Variants in IPO4 observed in about 807,000 individuals in gnomAD.
IPO4 encodes importin-4.
In IPO4, 91 loss-of-function variants were observed where a neutral mutation model predicts 133.5. The observed-to-expected ratio is 0.68, with a 90% confidence interval of 0.58 to 0.81. IPO4 has a LOEUF of 0.81. IPO4 is among the 30% of genes least tolerant of loss of function. The probability of loss-of-function intolerance (pLI) is 0.00; values close to 1 mark genes in which losing one functional copy is unlikely to be tolerated. For missense variants in IPO4, 1,279 were observed against 1,386.2 expected, an observed-to-expected ratio of 0.92 and a Z score of 1.23; for synonymous variants, 607 against 581.6, an observed-to-expected ratio of 1.04 and a Z score of -0.63.
At chr14:24,180,604 C>T (rs763556257) in intron 29 of IPO4, 32 bp from the exon 30 acceptor site, 4 of 1,611,712 alleles carry the variant, frequency 2.5e-6, no homozygotes, top group Non-Finnish European at 3.4e-6. Flanking sequence ...AAGGTCGGGG[C>T]TCCTAAAGCC....
chr14:24,182,552 C>T, intron 24 of IPO4, 149 bp from the exon 25 acceptor site: 9 of 1,160,368 alleles, frequency 7.8e-6, no homozygotes, highest in Non-Finnish European at 9.8e-6. Flanking sequence ...TTCCATGACC[C>T]AGCTTCTTCC....
chr14:24,181,189 G>A (rs1282699665), intron 28 of IPO4, among the ~76,000 whole-genome samples: 1 of 152,170 alleles, frequency 6.6e-6, no homozygotes, highest in Non-Finnish European at 1.5e-5. Flanking sequence ...GCTCCACAGA[G>A]CACAGTTTGA....
In IPO4 at chr14:24,185,511, A is replaced by G. The variant is rs2138815884; in HGVS notation, c.1226T>C (p.Val409Ala). 6.2e-7 allele frequency: 1 copy of G among 1,614,198 alleles called. No homozygotes were observed. Among genetic ancestry groups the G allele is most frequent in the Non-Finnish European group, 8.5e-7 (1 of 1,180,036 alleles). Residue 409 changes from valine (V) to alanine (A), a missense_variant, in exon 13 of 30, where the codon GTT (valine) becomes GCT (alanine). By Grantham distance (64) the Val-to-Ala change is moderately conservative. Coordinates refer to ENST00000354464, the MANE Select transcript of IPO4 (RefSeq NM_024658.4). ...VCKGLEDPSQ[V>A]VRNAALFALG... Reference sequence around the variant, plus strand: ...GGCAAACAGCGCAGCATTGCGTACAACTTGCGAGGGGTCCTCCAGGCCCTT... The same window carrying G: ...GGCAAACAGCGCAGCATTGCGTACAGCTTGCGAGGGGTCCTCCAGGCCCTT...
chr14:24,180,422 G>C lies in IPO4; in HGVS notation c.*20C>G. The C allele has an allele frequency of 1.2e-6, 2 of 1,600,060 alleles. No individual in the cohort carries two copies. The highest frequency in any genetic ancestry group is 2.7e-5 in the African/African-American group (2 of 74,798). ...GCCTGGGCAGGCTCTATTCTCTCTG[G>C]ACTGGCTGCAGCCTGCAGTCTAGGA... On this transcript the variant is annotated 3_prime_UTR_variant, in exon 30 of 30. Transcript: ENST00000354464.
intron 1 of IPO4, 25 bp from the exon 2 acceptor site, chr14:24,188,663 T>G (rs1375492906): frequency 1.9e-6 from 3 of 1,603,966 alleles, no homozygotes; most frequent in South Asian, 2.2e-5. Context: ...GGGGTGAGAG[T>G]TGGGCCTTTC....
intron 6 of IPO4, 99 bp from the exon 7 acceptor site, chr14:24,187,249 T>A: frequency 1.3e-6 from 2 of 1,489,268 alleles, no homozygotes. Context: ...AGCCCAGGCA[T>A]AACAGCCAGG....
intron 12 of IPO4, 81 bp from the exon 13 acceptor site, chr14:24,185,648 T>C: frequency 6.7e-6 from 9 of 1,344,578 alleles, no homozygotes; most frequent in South Asian, 1.2e-5. Context: ...TCATTTTCCC[T>C]GGAAAAACCA....
chr14:24,180,605 TC>T (rs1322216807), intron 29 of IPO4, 33 bp from the exon 30 acceptor site: 11 of 1,611,592 alleles, frequency 6.8e-6, no homozygotes, highest in African/African-American at 1.3e-5. Flanking sequence ...AGGTCGGGGC[TC>T]CTAAAGCCTC....
At chr14:24,187,290 G>A (rs1173456619) in intron 6 of IPO4, 110 bp downstream of exon 6, 2 of 1,478,086 alleles carry the variant, frequency 1.4e-6, no homozygotes, top group East Asian at 4.6e-5. Context: ...TCAATTGTCA[G>A]GAAGGGCCAC....
rs979331236 is a variant in IPO4 at position 24,185,451 on chromosome 14, T to G, written c.1278+8A>C. 3.1e-6 allele frequency: 5 copies of G among 1,613,550 alleles called. No individual in the cohort carries two copies. The African/African-American group carries it at 5.3e-5, about 17-fold the overall frequency. On this transcript the variant is annotated splice_region_variant and intron_variant, in intron 13 of 29. Transcript: ENST00000354464. ...CAAGTGGTGGCTCCCACATTCAGCC[T>G]GGTTCACCTGTAGGTTTTCTGAGAA...
Position 24,180,556 on chromosome 14 carries a change from C to A in IPO4, c.3132G>T (p.Leu1044=). The change falls in exon 30 of 30, where the codon CTG becomes CTT. Residue 1044 remains leucine, a synonymous_variant. Transcript: ENST00000354464. ...NKIPPDTKAA[L]LLLLTFLAKQ... ...TGGCCAGGAACGTCAGGAGCAGCAA[C>A]AGTGCGGCCTTGGTGTCTGGGTGGA... 1 of 1,614,146 alleles carries A rather than the reference C, an allele frequency of 6.2e-7. No individual in the cohort carries two copies. Among genetic ancestry groups the A allele is most frequent in the Non-Finnish European group, 8.5e-7 (1 of 1,179,980 alleles).
chr14:24,181,158 G>C (rs1349882421), intron 28 of IPO4, among the ~76,000 whole-genome samples: 1 of 152,178 alleles, frequency 6.6e-6, no homozygotes, highest in African/African-American at 2.4e-5. Flanking sequence ...TGTATGGTGT[G>C]GTGGCCCAGA....
At position 24,183,353 on chromosome 14, in the gene IPO4, G is replaced by A. The variant is rs1360458667; in HGVS notation, c.2124C>T (p.Cys708=). 1.9e-6 allele frequency: 3 copies of A among 1,608,296 alleles called. No individual in the cohort carries two copies. The highest frequency in any genetic ancestry group is 3.4e-5 in the Admixed American group (2 of 59,084). ...VFEEVFKLLE[C]PHLNVRKAAH... Reference sequence around the variant, plus strand: ...CTGCCTTCCGCACATTCAGGTGAGGGCACTGCAGGATGAGGAGGGGCGGGA... The same window carrying A: ...CTGCCTTCCGCACATTCAGGTGAGGACACTGCAGGATGAGGAGGGGCGGGA... Residue 708 remains cysteine (C), a splice_region_variant and synonymous_variant, in exon 22 of 30, where the codon TGC becomes TGT. Transcript: ENST00000354464.
intron 16 of IPO4, 87 bp downstream of exon 16, chr14:24,184,563 T>C: frequency 7.1e-7 from 1 of 1,410,628 alleles, no homozygotes; most frequent in Non-Finnish European, 9.6e-7. Flanking sequence ...AAGACATCCG[T>C]GCTCCTGTGG....
At chr14:24,184,165 A>G in intron 17 of IPO4, 56 bp from the exon 18 acceptor site, 2 of 1,583,514 alleles carry the variant, frequency 1.3e-6, no homozygotes, top group Non-Finnish European at 8.6e-7. Context: ...ACCAGGCAGG[A>G]TGGGGGAGCC....
chr14:24,186,823 G>A (rs780305120), intron 8 of IPO4, 32 bp from the exon 9 acceptor site: 10 of 1,612,974 alleles, frequency 6.2e-6, no homozygotes, highest in Non-Finnish European at 8.5e-6. Context: ...TCAGCGACAG[G>A]GAAGGAGAGT....
chr14:24,180,841 A>G (rs7145633), intron 28 of IPO4, 83 bp from the exon 29 acceptor site: 524,921 of 1,157,002 alleles, frequency 0.45, 126,503 homozygotes, highest in African/African-American at 0.8. Flanking sequence ...GAGTGGCAGA[A>G]TCTCTTATCA....
chr14:24,184,462 G>C (rs776522959), intron 16 of IPO4, 44 bp from the exon 17 acceptor site: 87 of 1,584,720 alleles, frequency 5.5e-5, no homozygotes, highest in Non-Finnish European at 7.3e-5. Context: ...GTGGAGGTGG[G>C]CTACGGGACC....
At chr14:24,181,660 C>T in intron 27 of IPO4, 43 bp from the exon 28 acceptor site, 1 of 1,613,338 alleles carries the variant, frequency 6.2e-7, no homozygotes, top group Non-Finnish European at 8.5e-7. Flanking sequence ...CTGCCCTCCA[C>T]CACCCTCCCT....
Sources: allele counts gnomAD v4.1 joint callset (sites outside exome capture counted in the v4.1 genomes callset), GRCh38; gene constraint gnomAD v4.1.1; transcripts MANE v1.5; gene names NCBI Gene and HGNC (gene_info 2026-07-23, HGNC 2026-07-21).